Variants in CACNA1S observed in about 807,000 individuals in gnomAD.
CACNA1S encodes voltage-dependent L-type calcium channel subunit alpha-1S.
Under a neutral mutation model 207.4 loss-of-function variants are expected in CACNA1S, and 126 were observed. The ratio of observed to expected loss-of-function variants is 0.61; its 90% CI spans 0.53 to 0.70. CACNA1S has a LOEUF of 0.70. CACNA1S is among the 30% of genes least tolerant of loss of function. The pLI is 0.00. For synonymous variants in CACNA1S, 960 were observed against 932.7 expected (o/e 1.03, Z -0.53); for missense variants, 2,349 against 2,422.8 (o/e 0.97, Z 0.64).
rs545877576 is a variant in CACNA1S, at chr1:201,043,126, G to A, written c.5048+155C>T. On this transcript the variant is annotated intron_variant, in intron 40 of 43. Transcript: ENST00000362061. ...CAAAGAAGCCTCTGCCATCGAGGTCGGCCTCTTACATTAAGGTTCAGGATG... is the reference window on the plus strand; with the variant it reads ...CAAAGAAGCCTCTGCCATCGAGGTCAGCCTCTTACATTAAGGTTCAGGATG... 1,225 of 910,174 alleles carry A rather than the reference G, an allele frequency of 1.3e-3. 4 individuals are homozygous for A. The highest frequency in any genetic ancestry group is 1.9e-3 in the Non-Finnish European group (1,092 of 570,292). 56.4% of individuals were successfully genotyped at this position (910,174 alleles called of 1,614,324 possible). A position where few individuals can be genotyped will look rare whatever the true frequency, so the allele number is the denominator to read the frequency against.
At position 201,049,086 on chromosome 1, in the gene CACNA1S, G is replaced by A. The variant is rs1346780583; in HGVS notation, c.4255C>T (p.His1419Tyr). 2.5e-6 allele frequency: 4 copies of A among 1,612,268 alleles called. No homozygotes were observed. The highest frequency in any genetic ancestry group is 2.5e-6 in the Non-Finnish European group (3 of 1,179,228). ...YDPEAKGRIK[H>Y]LDVVTLLRRI... ...CTCAGCAGGGTCACCACGTCCAGGT[G>A]TTTGATTCTCCCCCTGCGGGAGGAC... The change falls in exon 35 of 44, where the codon CAC becomes TAC. Residue 1419 changes from histidine (H) to tyrosine (Y), a missense_variant. His to Tyr is a moderately conservative substitution (Grantham distance 83, BLOSUM62 2). Coordinates refer to ENST00000362061, the MANE Select transcript of CACNA1S (RefSeq NM_000069.3).
At chr1:201,070,449 G>A (rs566371704) in intron 16 of CACNA1S, 45 bp from the exon 17 acceptor site, 9 of 1,611,556 alleles carry the variant, frequency 5.6e-6, no homozygotes, top group Non-Finnish European at 7.6e-6. Flanking sequence ...CCCATGCTTT[G>A]CTATGCCCAT....
chr1:201,050,855 TAG>T (rs1660622875), intron 33 of CACNA1S, 127 bp downstream of exon 33: 1 of 1,021,622 alleles, frequency 9.8e-7, no homozygotes, highest in Non-Finnish European at 1.5e-6. Context: ...ACAACCTAAC[TAG>T]AGCCTCCTGC....
chr1:201,064,905 C>T (rs2102580455), intron 22 of CACNA1S, among the ~76,000 whole-genome samples: 1 of 152,338 alleles, frequency 6.6e-6, no homozygotes, highest in East Asian at 1.9e-4. Flanking sequence ...GCCAGACATA[C>T]CAGCCAGGAA....
In CACNA1S at chr1:201,061,957, C is replaced by G. The variant is rs776712220; in HGVS notation, c.3040G>C (p.Glu1014Gln). 6.8e-6 allele frequency: 11 copies of G among 1,614,210 alleles called. No homozygotes were observed. The highest frequency in any genetic ancestry group is 9.3e-6 in the Non-Finnish European group (11 of 1,180,042). The change falls in exon 24 of 44, where the codon GAG becomes CAG. Residue 1014 changes from glutamate (E) to glutamine (Q), a missense_variant. Glu to Gln is a conservative substitution (Grantham distance 29). Coordinates refer to ENST00000362061, the MANE Select transcript of CACNA1S (RefSeq NM_000069.3). The stretch of plus-strand genomic sequence containing the variant: ...GCCATCACTCACTGAGGCCATCCCT[C>G]GAAGGTGGAGACCGTGAAGAGGGAC... The part of the protein sequence containing the change: ...MMSLFTVSTF[E>Q]GWPQLLYKAI...
rs1662088583 is a variant in CACNA1S at position 201,087,842 on chromosome 1, G to GCAC, written c.985_987dup (p.Val329dup). ...ATTTCTTACCCACTCAGGACACCCAGCACCAGGTTGAGGATGAAGAAGGAT... is the reference window on the plus strand; with the variant it reads ...ATTTCTTACCCACTCAGGACACCCAGCACCACCAGGTTGAGGATGAAGAAGGAT... On this transcript the variant is annotated inframe_insertion, in exon 7 of 44. Coordinates refer to ENST00000362061, the MANE Select transcript of CACNA1S (RefSeq NM_000069.3). 6.2e-7 allele frequency: 1 copy of GCAC among 1,612,020 alleles called. No individual in the cohort carries two copies. Among genetic ancestry groups the GCAC allele is most frequent in the Admixed American group, 1.7e-5 (1 of 59,932 alleles).
chr1:201,098,228 C>T (rs1196233498), intron 2 of CACNA1S, among the ~76,000 whole-genome samples: 3 of 152,216 alleles, frequency 2.0e-5, no homozygotes, highest in African/African-American at 7.2e-5. Context: ...GAACCAGTGT[C>T]CCGGGGCACT....
chr1:201,048,564 AT>A lies in CACNA1S; in HGVS notation c.4441+17del. 1 of 1,581,804 alleles carries A rather than the reference AT, an allele frequency of 6.3e-7. No individual in the cohort carries two copies. Among genetic ancestry groups the A allele is most frequent in the East Asian group, 2.2e-5 (1 of 44,728 alleles). The stretch of plus-strand genomic sequence containing the variant: ...CTCTGGGAGAAAGGAGGGGGCTCAC[AT>A]TGGAAGGCACTCTCACCTTCCGTCT... On this transcript the variant is annotated intron_variant, in intron 36 of 43. Coordinates refer to ENST00000362061, the MANE Select transcript of CACNA1S (RefSeq NM_000069.3).
At chr1:201,078,240 C>T in intron 10 of CACNA1S, 136 bp from the exon 11 acceptor site, 1 of 744,766 alleles carries the variant, frequency 1.3e-6, no homozygotes, top group Non-Finnish European at 2.4e-6. Flanking sequence ...TTTGGGGGTG[C>T]AGGGGGCAGG....
chr1:201,069,391 G>A (rs1362923608), intron 18 of CACNA1S, 81 bp downstream of exon 18: 4 of 1,576,262 alleles, frequency 2.5e-6, no homozygotes, highest in Non-Finnish European at 3.5e-6. Context: ...GCCACATAGA[G>A]GATACAGCTG....
chr1:201,043,141 G>A, intron 40 of CACNA1S, 140 bp downstream of exon 40: 1 of 1,111,584 alleles, frequency 9.0e-7, no homozygotes, highest in Non-Finnish European at 1.4e-6. Flanking sequence ...CTTACATTAA[G>A]GTTCAGGATG....
At chr1:201,071,894 T>C (rs1045792827) in intron 16 of CACNA1S, among the ~76,000 whole-genome samples, 3 of 152,276 alleles carry the variant, frequency 2.0e-5, no homozygotes, top group African/African-American at 7.2e-5. Context: ...ATTCAATTTA[T>C]TGAGTGCCTC....
At chr1:201,083,124 A>G (rs759669996) in intron 10 of CACNA1S, 38 bp downstream of exon 10, 1 of 1,612,930 alleles carries the variant, frequency 6.2e-7, no homozygotes, top group South Asian at 1.1e-5. Flanking sequence ...CCACAGCCAC[A>G]TGTGCCCTCC....
At chr1:201,092,884 A>T (rs973678905) in intron 3 of CACNA1S, among the ~76,000 whole-genome samples, 1 of 152,224 alleles carries the variant, frequency 6.6e-6, no homozygotes, top group Non-Finnish European at 1.5e-5. Flanking sequence ...ATACTGGTTG[A>T]GCATGCAGCC....
chr1:201,053,178 A>C lies in CACNA1S; in HGVS notation c.3861+31T>G. ...GCCCCCTCTAACTTGGCCAAGATCCATGCTTTGGCCTGGGCCCGCCTGCCT... is the reference window on the plus strand; with the variant it reads ...GCCCCCTCTAACTTGGCCAAGATCCCTGCTTTGGCCTGGGCCCGCCTGCCT... On this transcript the variant is annotated intron_variant, in intron 31 of 43. Coordinates refer to ENST00000362061, the MANE Select transcript of CACNA1S (RefSeq NM_000069.3). The surrounding 1 kb of genome is among the most constrained non-coding windows in gnomAD (Gnocchi z 5.1). 1 of 1,613,668 alleles carries C rather than the reference A, an allele frequency of 6.2e-7. No individual in the cohort carries two copies. Among genetic ancestry groups the C allele is most frequent in the Non-Finnish European group, 8.5e-7 (1 of 1,179,620 alleles).
At chr1:201,059,453 C>T (rs1288406692) in intron 26 of CACNA1S, among the ~76,000 whole-genome samples, 154 bp from the exon 27 acceptor site, 1 of 152,178 alleles carries the variant, frequency 6.6e-6, no homozygotes, top group Non-Finnish European at 1.5e-5. Context: ...CTAGAAGCTG[C>T]TTTAGCAATC....
At position 201,060,877 on chromosome 1, in the gene CACNA1S, C is replaced by G; in HGVS notation, c.3256-61G>C. On this transcript the variant is annotated intron_variant, in intron 25 of 43. Transcript: ENST00000362061. ...AGGCCCCTCCCTCCCTCTCCACACC[C>G]ACATCCATGGGATTGACGGGCAAGT... is the stretch of plus-strand genomic sequence containing the variant. The G allele has an allele frequency of 1.9e-6, 3 of 1,601,256 alleles. No individual in the cohort carries two copies. In the South Asian group the frequency reaches 3.3e-5, roughly 18 times the overall value.
At chr1:201,093,814 G>T (rs2047231488) in intron 3 of CACNA1S, 68 bp downstream of exon 3, 1 of 1,576,778 alleles carries the variant, frequency 6.3e-7, no homozygotes, top group Non-Finnish European at 8.7e-7. Flanking sequence ...GATGCTGGTG[G>T]TGGTGGCAGT....
In CACNA1S at chr1:201,061,247, C is replaced by T; in HGVS notation, c.3255+20G>A. On this transcript the variant is annotated intron_variant, in intron 25 of 43. Coordinates refer to ENST00000362061, the MANE Select transcript of CACNA1S (RefSeq NM_000069.3). ...CCTGCTGGAGCTCTGCCCTCCACCT[C>T]TGGCAGGCAGCCCAGGCACCTGGTT... The T allele has an allele frequency of 6.2e-7, 1 of 1,608,566 alleles. No individual in the cohort carries two copies. Among genetic ancestry groups the T allele is most frequent in the African/African-American group, 1.3e-5 (1 of 74,908 alleles).
Sources: gnomAD v4.1 joint callset for allele counts (sites outside exome capture counted in the v4.1 genomes callset) on GRCh38, gnomAD v4.1.1 for gene constraint, Gnocchi (gnomAD v3.1) non-coding constraint, MANE v1.5 for transcripts, NCBI Gene and HGNC (gene_info 2026-07-23, HGNC 2026-07-21) for gene names.